GLIS1: variants seen among roughly 807,000 people sequenced by gnomAD.
GLIS1 encodes zinc finger protein GLIS1.
Under a neutral mutation model 63.8 loss-of-function variants are expected in GLIS1, and 24 were observed. The observed-to-expected ratio is 0.38, with a 90% CI of 0.27 to 0.53. The LOEUF is 0.53. Ranked by LOEUF, GLIS1 falls within the 20% of genes least tolerant of loss-of-function variation. GLIS1 has a pLI of 0.85. For missense variants in GLIS1, 1,036 were observed against 1,074.1 expected (o/e 0.96, Z 0.50); for synonymous variants, 450 against 482.5 (o/e 0.93, Z 0.88).
chr1:53,530,941 C>T (rs1354275504), intron 4 of GLIS1, among the ~76,000 whole-genome samples: 1 of 152,248 alleles, frequency 6.6e-6, no homozygotes, highest in Non-Finnish European at 1.5e-5. Flanking sequence ...CTGACGGGCG[C>T]CTGCTACATC....
At chr1:53,657,249 T>G (rs1306115247) in intron 2 of GLIS1, among the ~76,000 whole-genome samples, 1 of 152,154 alleles carries the variant, frequency 6.6e-6, no homozygotes, top group Non-Finnish European at 1.5e-5. Context: ...AGGGGTATGC[T>G]AATAGGTCAG....
At chr1:53,685,160 C>T (rs761273452) in intron 2 of GLIS1, among the ~76,000 whole-genome samples, 7 of 152,204 alleles carry the variant, frequency 4.6e-5, no homozygotes, top group Non-Finnish European at 1.0e-4. Flanking sequence ...GACAGCAAGA[C>T]GGGTGTCCTG....
intron 2 of GLIS1, among the ~76,000 whole-genome samples, chr1:53,716,662 A>C (rs1244962346): frequency 4.6e-5 from 7 of 152,182 alleles, no homozygotes; most frequent in Non-Finnish European, 1.0e-4. Flanking sequence ...ATAAAAAAGA[A>C]GATGGGAAAA....
intron 4 of GLIS1, among the ~76,000 whole-genome samples, chr1:53,550,449 C>T (rs543999095): frequency 6.8e-4 from 103 of 152,332 alleles, no homozygotes; most frequent in Non-Finnish European, 1.3e-3. Context: ...CACACACTCA[C>T]ACTGAGTTAG....
At chr1:53,553,408 C>G (rs537844052) in intron 4 of GLIS1, among the ~76,000 whole-genome samples, 1 of 152,164 alleles carries the variant, frequency 6.6e-6, no homozygotes, top group African/African-American at 2.4e-5. Context: ...GACCCATCCA[C>G]CCACCCATCC....
intron 4 of GLIS1, among the ~76,000 whole-genome samples, chr1:53,570,297 AT>A (rs1172370586): frequency 6.8e-6 from 1 of 147,556 alleles, no homozygotes; most frequent in Non-Finnish European, 1.5e-5. Flanking sequence ...AAAAAAAAAA[AT>A]TGTTTAGAGA....
intron 4 of GLIS1, among the ~76,000 whole-genome samples, chr1:53,544,176 G>A (rs184129075): frequency 1.5e-4 from 23 of 152,310 alleles, no homozygotes; most frequent in African/African-American, 5.5e-4. Context: ...AAAAGAAAAG[G>A]ATGCCATTGT....
At chr1:53,687,479 G>C (rs1248818819) in intron 2 of GLIS1, among the ~76,000 whole-genome samples, 1 of 152,150 alleles carries the variant, frequency 6.6e-6, no homozygotes. Context: ...GCACAGTTGA[G>C]CCCCCACAAT....
At chr1:53,572,851 G>A (rs1015755344) in intron 4 of GLIS1, among the ~76,000 whole-genome samples, 7 of 152,194 alleles carry the variant, frequency 4.6e-5, no homozygotes, top group African/African-American at 1.2e-4. Context: ...CCTGTCTCAG[G>A]GGTGAAGGCT....
chr1:53,689,775 G>GC, intron 2 of GLIS1, among the ~76,000 whole-genome samples: 1 of 152,106 alleles, frequency 6.6e-6, no homozygotes, highest in Non-Finnish European at 1.5e-5. Flanking sequence ...CCCCCACCAG[G>GC]CCCCTCTGAG....
chr1:53,512,694 G>A (rs965895176), intron 8 of GLIS1, among the ~76,000 whole-genome samples: 3 of 152,196 alleles, frequency 2.0e-5, no homozygotes, highest in African/African-American at 7.2e-5. Flanking sequence ...GGGTGGGCAG[G>A]CGGGGGTCCC....
At chr1:53,557,904 A>C (rs1258385691) in intron 4 of GLIS1, among the ~76,000 whole-genome samples, 2 of 152,238 alleles carry the variant, frequency 1.3e-5, no homozygotes, top group Non-Finnish European at 2.9e-5. Flanking sequence ...AGAAAAGCAG[A>C]AAACACATAA....
At chr1:53,590,343 CT>C (rs568667616) in intron 4 of GLIS1, among the ~76,000 whole-genome samples, 1 of 152,162 alleles carries the variant, frequency 6.6e-6, no homozygotes, top group Non-Finnish European at 1.5e-5. Flanking sequence ...CTTTTCACCT[CT>C]GCACATGCCT....
At chr1:53,635,101 T>C (rs1163304911) in intron 2 of GLIS1, among the ~76,000 whole-genome samples, 1 of 151,870 alleles carries the variant, frequency 6.6e-6, no homozygotes, top group African/African-American at 2.4e-5. Context: ...AACAACAGGA[T>C]TGTATGCTGA....
chr1:53,529,698 G>A lies in GLIS1; in HGVS notation c.1482+93C>T, dbSNP rs1569763048. On this transcript the variant is annotated intron_variant, in intron 5 of 10. Transcript: ENST00000628545. The stretch of plus-strand genomic sequence containing the variant: ...CATCTCCTGCCCCAAACATCGGTGG[G>A]GCTACAGGGTAAGGCAGGGGCTCTG... The A allele has an allele frequency of 8.3e-6, 11 of 1,322,218 alleles. No homozygotes were observed. In the East Asian group the frequency reaches 9.3e-5, roughly 11 times the overall value. 81.9% of individuals were successfully genotyped at this position (1,322,218 alleles called of 1,614,324 possible).
chr1:53,596,992 T>C (rs147026806), intron 3 of GLIS1, among the ~76,000 whole-genome samples: 5 of 151,882 alleles, frequency 3.3e-5, no homozygotes, highest in Middle Eastern at 3.4e-3. Context: ...CCCCTTCCAA[T>C]AGGGGAGTCT....
intron 4 of GLIS1, among the ~76,000 whole-genome samples, chr1:53,548,311 G>A (rs1644725103): frequency 6.6e-6 from 1 of 152,178 alleles, no homozygotes; most frequent in South Asian, 2.1e-4. Context: ...TCTAACGGGA[G>A]GCCCGGTCTG....
chr1:53,524,894 CAT>C lies in GLIS1; in HGVS notation c.1483-9_1483-8del, dbSNP rs751376375. On this transcript the variant is annotated splice_region_variant and splice_polypyrimidine_tract_variant and intron_variant, in intron 5 of 10. Transcript: ENST00000628545. Reference sequence around the variant, plus strand: ...TCTGACAGGCGTACGGCTTCTGTAACATGGGGGGCACGGGTGGGGTGAGTGAG... The same window carrying C: ...TCTGACAGGCGTACGGCTTCTGTAACGGGGGGCACGGGTGGGGTGAGTGAG... 1 of 1,597,876 alleles carries C rather than the reference CAT, an allele frequency of 6.3e-7. No homozygotes were observed. The highest frequency in any genetic ancestry group is 1.1e-5 in the South Asian group (1 of 90,810).
At chr1:53,595,344 C>T (rs1356455356) in intron 3 of GLIS1, among the ~76,000 whole-genome samples, 1 of 152,136 alleles carries the variant, frequency 6.6e-6, no homozygotes, top group African/African-American at 2.4e-5. Context: ...CATAGTGAGA[C>T]TCCATCTCTA....
Sources: allele counts gnomAD v4.1 joint callset (sites outside exome capture counted in the v4.1 genomes callset), GRCh38; gene constraint gnomAD v4.1.1; transcripts MANE v1.5; gene names NCBI Gene and HGNC (gene_info 2026-07-23, HGNC 2026-07-21).